The following DOCK8 variants were observed in gnomAD, a reference collection of about 807,000 sequenced individuals.
The protein encoded by DOCK8 is dedicator of cytokinesis protein 8.
DOCK8 carries 141 observed loss-of-function variants against 245.6 expected under a neutral mutation model. The ratio of observed to expected loss-of-function variants is 0.57; its 90% CI spans 0.50 to 0.66. The LOEUF (loss-of-function observed/expected upper bound fraction) is 0.66, where lower values mean the gene tolerates loss of function less well. Ranked by LOEUF, DOCK8 falls within the 30% of genes least tolerant of loss-of-function variation. The pLI is 0.00. For missense variants in DOCK8, 2,965 were observed against 2,603.4 expected (o/e 1.14, Z -3.02); for synonymous variants, 1,168 against 970.2 (o/e 1.20, Z -3.79).
At chr9:458,621 G>C (rs533926678) in intron 46 of DOCK8, among the ~76,000 whole-genome samples, 16 of 152,182 alleles carry the variant, frequency 1.1e-4, no homozygotes, top group African/African-American at 3.6e-4. Flanking sequence ...ACCAGCCTGG[G>C]CAACATGGCA....
intron 14 of DOCK8, among the ~76,000 whole-genome samples, 160 bp from the exon 15 acceptor site, chr9:367,858 G>T (rs1307270916): frequency 6.6e-6 from 1 of 152,108 alleles, no homozygotes; most frequent in Admixed American, 6.5e-5. Context: ...TGAAGAGGAA[G>T]AATCAAGTAA....
At chr9:269,937 T>C (rs1440836946) in intron 1 of DOCK8, among the ~76,000 whole-genome samples, 1 of 152,204 alleles carries the variant, frequency 6.6e-6, no homozygotes, top group African/African-American at 2.4e-5. Context: ...CTTAAATTTT[T>C]CAGGAACTGC....
In DOCK8 at chr9:284,930, G is replaced by A. The variant is rs191610952; in HGVS notation, c.157-1531G>A. On this transcript the variant is annotated intron_variant, in intron 2 of 47. Coordinates refer to ENST00000432829, the MANE Select transcript of DOCK8 (RefSeq NM_203447.4). ...CACAAAGAAAAGAACAACAGACACT[G>A]TGGCCTACTTGTGGGTGAAGGGTGG... Among the ~76,000 whole-genome samples the A allele has an allele frequency of 5.7e-3, 870 of 152,276 alleles. 10 individuals carry two copies. Among genetic ancestry groups the A allele is most frequent in the African/African-American group, 0.02 (822 of 41,544 alleles).
At chr9:227,105 A>C (rs948828657) in intron 1 of DOCK8, among the ~76,000 whole-genome samples, 14 of 152,190 alleles carry the variant, frequency 9.2e-5, no homozygotes, top group African/African-American at 3.1e-4. Context: ...TACTTGGGAC[A>C]TGCATGTATG....
chr9:278,577 G>A (rs755784221), intron 2 of DOCK8, among the ~76,000 whole-genome samples: 2 of 152,178 alleles, frequency 1.3e-5, no homozygotes, highest in South Asian at 4.1e-4. Flanking sequence ...GAATGAAATC[G>A]TGACCCAGAA....
In DOCK8 at chr9:411,850, T is replaced by C. The variant is rs189239834; in HGVS notation, c.3531-2932T>C. 1.7e-3 allele frequency among the ~76,000 whole-genome samples: 253 copies of C among 152,302 alleles called. 2 individuals carry two copies. Among genetic ancestry groups the C allele is most frequent in the African/African-American group, 5.9e-3 (244 of 41,572 alleles). On this transcript the variant is annotated intron_variant, in intron 28 of 47. Transcript: ENST00000432829. ...GACAAAACCCATACAATCATCTTAG[T>C]AGATGCAAAGAAAAGCATTTAATAA...
intron 14 of DOCK8, among the ~76,000 whole-genome samples, chr9:357,578 T>C (rs950784839): frequency 6.7e-5 from 10 of 148,376 alleles, no homozygotes; most frequent in Non-Finnish European, 8.8e-5. Flanking sequence ...TTTTAAACAA[T>C]TTGATACCAT....
intron 46 of DOCK8, chr9:457,050 A>G (rs1180754246): frequency 6.6e-6 from 1 of 152,264 alleles, no homozygotes; most frequent in Admixed American, 6.5e-5. Context: ...GTTGGGGTCT[A>G]TGAAGAGGAA....
At chr9:376,902 TC>T in intron 19 of DOCK8, 74 bp from the exon 20 acceptor site, 2 of 1,299,896 alleles carry the variant, frequency 1.5e-6, no homozygotes, top group Non-Finnish European at 2.2e-6. Flanking sequence ...AAAGAGCTAT[TC>T]GATTGTGTTT....
intron 1 of DOCK8, among the ~76,000 whole-genome samples, chr9:229,032 C>T (rs1257211884): frequency 6.6e-6 from 1 of 152,264 alleles, no homozygotes; most frequent in East Asian, 1.9e-4. Context: ...GTGGAAGCTG[C>T]AAGGCTTCTT....
intron 2 of DOCK8, among the ~76,000 whole-genome samples, chr9:285,541 T>C (rs763509504): frequency 4.6e-5 from 7 of 152,212 alleles, no homozygotes; most frequent in Non-Finnish European, 1.0e-4. Context: ...CTGCTATTAA[T>C]ATGACACAAA....
chr9:390,548 G>T lies in DOCK8; in HGVS notation c.2952G>T (p.Trp984Cys). ...GAGAAACAGTCTTCAAGTATGCCTG[G>T]TTCTTCTTTGAGCTTCTGGTGAGAT... ...MVRETVFKYA[W>C]FFFELLVKSM... The change falls in exon 24 of 48, where the codon TGG becomes TGT. Residue 984 changes from tryptophan (W) to cysteine (C), a missense_variant. Coordinates refer to ENST00000432829, the MANE Select transcript of DOCK8 (RefSeq NM_203447.4). 1 of 1,614,166 alleles carries T rather than the reference G, an allele frequency of 6.2e-7. No individual in the cohort carries two copies. The highest frequency in any genetic ancestry group is 8.5e-7 in the Non-Finnish European group (1 of 1,180,010).
intron 5 of DOCK8, among the ~76,000 whole-genome samples, chr9:308,319 A>C (rs1423935585): frequency 6.6e-6 from 1 of 152,252 alleles, no homozygotes. Flanking sequence ...TATTCCATAA[A>C]TAGGTACAAC....
intron 10 of DOCK8, among the ~76,000 whole-genome samples, chr9:332,974 G>A (rs2051095603): frequency 6.6e-6 from 1 of 151,972 alleles, no homozygotes; most frequent in African/African-American, 2.4e-5. Context: ...TGATTTTTTA[G>A]AGAAATAAAT....
chr9:226,515 C>T (rs776237103), intron 1 of DOCK8, among the ~76,000 whole-genome samples: 4 of 151,924 alleles, frequency 2.6e-5, no homozygotes, highest in Non-Finnish European at 4.4e-5. Flanking sequence ...GGAAAGATGA[C>T]GATGGCAAAA....
intron 29 of DOCK8, 85 bp downstream of exon 29, chr9:415,036 C>A: frequency 6.4e-7 from 1 of 1,551,252 alleles, no homozygotes; most frequent in Non-Finnish European, 8.9e-7. Flanking sequence ...TCATTCGTTC[C>A]AGTGCTGATA....
rs538188882 is a variant in DOCK8, at chr9:334,862, G to A, written c.1285+478G>A. Among the ~76,000 whole-genome samples the A allele has an allele frequency of 2.2e-4, 33 of 152,162 alleles. No individual in the cohort carries two copies. In the South Asian group the frequency reaches 4.8e-3, roughly 22 times the overall value. On this transcript the variant is annotated intron_variant, in intron 11 of 47. Transcript: ENST00000432829. The stretch of plus-strand genomic sequence containing the variant: ...TTTGGGAGGCCGAGGTAGGCGGATC[G>A]CTTGAAGCCAGGAGTTCGAGACCAG...
At chr9:459,238 T>C (rs1194074335) in intron 46 of DOCK8, among the ~76,000 whole-genome samples, 1 of 152,312 alleles carries the variant, frequency 6.6e-6, no homozygotes, top group East Asian at 1.9e-4. Context: ...GTGGCTATTC[T>C]CTAGGAGGGA....
At chr9:462,064 A>G (rs1045113342) in intron 46 of DOCK8, among the ~76,000 whole-genome samples, 4 of 146,576 alleles carry the variant, frequency 2.7e-5, no homozygotes, top group Non-Finnish European at 4.5e-5. Flanking sequence ...TATTATCTCT[A>G]ATTCTTATTG....
Sources: allele counts gnomAD v4.1 joint callset (sites outside exome capture counted in the v4.1 genomes callset), GRCh38; gene constraint gnomAD v4.1.1; transcripts MANE v1.5; gene names NCBI Gene and HGNC (gene_info 2026-07-23, HGNC 2026-07-21).